Variants in PGM5 observed in about 807,000 individuals in gnomAD.
PGM5 encodes phosphoglucomutase 5.
Under a neutral mutation model 59.2 loss-of-function variants are expected in PGM5, and 23 were observed. The observed-to-expected ratio is 0.39, with a 90% confidence interval of 0.28 to 0.55. PGM5 has a LOEUF of 0.55. Among genes scored for constraint, PGM5 ranks in the 20% least tolerant of loss-of-function variants. PGM5 has a pLI of 0.66. For synonymous variants in PGM5, 214 were observed against 286.0 expected (o/e 0.75, Z 2.54); for missense variants, 574 against 748.3 (o/e 0.77, Z 2.72).
At chr9:68,486,697 G>A (rs1396520355) in intron 9 of PGM5, among the ~76,000 whole-genome samples, 1 of 152,178 alleles carries the variant, frequency 6.6e-6, no homozygotes, top group African/African-American at 2.4e-5. Flanking sequence ...GATGTGTGAG[G>A]TATTTCCACT....
Position 68,479,486 on chromosome 9 carries a change from C to G in PGM5, c.1228C>G (p.Arg410Gly). Residue 410 changes from arginine (R) to glycine (G), a missense_variant, in exon 8 of 11, where the codon CGG becomes GGG. Arg to Gly is a moderately radical substitution (Grantham distance 125). Around this residue, in one of 7 missense-constraint regions of PGM5, gnomAD observed 300 missense variants for 280.0 expected, o/e 1.07. Coordinates refer to ENST00000396396, the MANE Select transcript of PGM5 (RefSeq NM_021965.4). ...VLVWLSIIAA[R>G]KQSVEEIVRD... ...GGTCTGGCTCTCCATTATTGCTGCC[C>G]GGAAGCAGAGTGTGGAGGAAATTGT... 1 of 1,613,938 alleles carries G rather than the reference C, an allele frequency of 6.2e-7. No individual in the cohort carries two copies.
chr9:68,513,123 T>C (rs1450905670), intron 10 of PGM5, among the ~76,000 whole-genome samples: 2 of 152,252 alleles, frequency 1.3e-5, no homozygotes, highest in African/African-American at 2.4e-5. Flanking sequence ...CAACATGAGT[T>C]TGGGTAAACC....
chr9:68,484,078 T>A, intron 9 of PGM5, 30 bp downstream of exon 9: 2 of 1,602,540 alleles, frequency 1.2e-6, no homozygotes, highest in South Asian at 2.2e-5. Context: ...TACAACGGGT[T>A]ATCAGGCAGA....
chr9:68,385,644 G>C (rs1431036395), intron 3 of PGM5, among the ~76,000 whole-genome samples: 1 of 151,976 alleles, frequency 6.6e-6, no homozygotes, highest in Non-Finnish European at 1.5e-5. Context: ...GGGATGGCTG[G>C]ACAATTAAAG....
At chr9:68,479,708 G>A (rs1022515926) in intron 8 of PGM5, among the ~76,000 whole-genome samples, 155 bp downstream of exon 8, 140 of 152,318 alleles carry the variant, frequency 9.2e-4, no homozygotes, top group African/African-American at 3.2e-3. Context: ...GCCGAGGTGG[G>A]CGGATCACGA....
intron 6 of PGM5, chr9:68,396,088 T>C (rs1312128851): frequency 2.0e-5 from 3 of 152,124 alleles, no homozygotes; most frequent in Non-Finnish European, 4.4e-5. Flanking sequence ...TATGGGAGTA[T>C]ATTTAACCCT....
intron 6 of PGM5, among the ~76,000 whole-genome samples, chr9:68,394,734 A>G (rs565142699): frequency 2.6e-5 from 4 of 151,486 alleles, no homozygotes; most frequent in African/African-American, 9.7e-5. Flanking sequence ...AATCCTCCCA[A>G]CTCAGCCTCC....
At chr9:68,425,540 A>G (rs1224956388) in intron 6 of PGM5, among the ~76,000 whole-genome samples, 1 of 152,204 alleles carries the variant, frequency 6.6e-6, no homozygotes, top group Non-Finnish European at 1.5e-5. Flanking sequence ...AACCCAAGAG[A>G]GCACTCCAAG....
chr9:68,505,883 T>TGAG (rs1330721504), intron 10 of PGM5, among the ~76,000 whole-genome samples: 4 of 152,230 alleles, frequency 2.6e-5, no homozygotes, highest in African/African-American at 9.6e-5. Context: ...TCAAACCCTC[T>TGAG]AACCACCTGT....
intron 1 of PGM5, 66 bp downstream of exon 1, chr9:68,357,454 C>T: frequency 2.0e-6 from 3 of 1,526,174 alleles, no homozygotes; most frequent in Non-Finnish European, 2.6e-6. Context: ...GCCCTTGTCC[C>T]CCTGCTGCCT....
intron 10 of PGM5, among the ~76,000 whole-genome samples, chr9:68,504,838 C>A (rs1554688907): frequency 6.6e-6 from 1 of 152,168 alleles, no homozygotes; most frequent in African/African-American, 2.4e-5. Flanking sequence ...ATGCCCAACG[C>A]AGTTTTGCCA....
At chr9:68,472,381 G>A (rs1554686330) in intron 7 of PGM5, among the ~76,000 whole-genome samples, 1 of 151,546 alleles carries the variant, frequency 6.6e-6, no homozygotes, top group Non-Finnish European at 1.5e-5. Flanking sequence ...TTGGATGAAG[G>A]TAGAAGGAAT....
At chr9:68,413,214 T>C (rs1554681748) in intron 6 of PGM5, among the ~76,000 whole-genome samples, 1 of 152,192 alleles carries the variant, frequency 6.6e-6, no homozygotes, top group African/African-American at 2.4e-5. Context: ...TCTTTCTATG[T>C]CTTTCTCTTT....
At chr9:68,416,614 G>A (rs1823036665) in intron 6 of PGM5, among the ~76,000 whole-genome samples, 1 of 152,038 alleles carries the variant, frequency 6.6e-6, no homozygotes, top group African/African-American at 2.4e-5. Context: ...TTCTCATTTG[G>A]CGTTGAGACA....
At chr9:68,421,040 C>T (rs996448774) in intron 6 of PGM5, among the ~76,000 whole-genome samples, 1 of 152,086 alleles carries the variant, frequency 6.6e-6, no homozygotes, top group Non-Finnish European at 1.5e-5. Context: ...AAAGCTAGGT[C>T]GACGAATAAT....
chr9:68,440,421 A>G (rs1823507298), intron 6 of PGM5, among the ~76,000 whole-genome samples: 1 of 152,198 alleles, frequency 6.6e-6, no homozygotes, highest in Non-Finnish European at 1.5e-5. Flanking sequence ...AAAATTTAAT[A>G]ACAGAGAGAT....
At chr9:68,370,426 C>T (rs1201908903) in intron 1 of PGM5, among the ~76,000 whole-genome samples, 28 of 152,162 alleles carry the variant, frequency 1.8e-4, no homozygotes, top group African/African-American at 6.3e-4. Context: ...GCACCTACTC[C>T]GAAATTTTAG....
At position 68,529,599 on chromosome 9, in the gene PGM5, G is replaced by A; in HGVS notation, c.1647G>A (p.Leu549=). ...TGAGCCCTCTCATAGCCATCGCACT[G>A]AAAATATCCCAGATTCATGAGAGAA... The part of the protein sequence containing the change: ...AVLSPLIAIA[L]KISQIHERTG... Residue 549 remains leucine (L), a synonymous_variant, in exon 11 of 11, where the codon CTG becomes CTA. Coordinates refer to ENST00000396396, the MANE Select transcript of PGM5 (RefSeq NM_021965.4). 6.2e-7 allele frequency: 1 copy of A among 1,600,120 alleles called. No homozygotes were observed. Among genetic ancestry groups the A allele is most frequent in the Non-Finnish European group, 8.5e-7 (1 of 1,171,048 alleles).
chr9:68,501,145 T>A (rs1014102393), intron 10 of PGM5, among the ~76,000 whole-genome samples: 3 of 152,168 alleles, frequency 2.0e-5, no homozygotes, highest in African/African-American at 4.8e-5. Flanking sequence ...TTCACTGACG[T>A]TGCTGTTGGA....
Sources: allele counts gnomAD v4.1 joint callset (sites outside exome capture counted in the v4.1 genomes callset), GRCh38; gene constraint gnomAD v4.1.1; regional missense constraint gnomAD v4.1.1; transcripts MANE v1.5; gene names NCBI Gene and HGNC (gene_info 2026-07-23, HGNC 2026-07-21).